The following KLHL32 variants were observed in gnomAD, a reference collection of about 807,000 sequenced individuals.
KLHL32 encodes the protein kelch-like protein 32.
KLHL32 carries 35 observed loss-of-function variants against 64.8 expected under a neutral mutation model. The observed-to-expected ratio is 0.54, with a 90% CI of 0.41 to 0.72. KLHL32 has a LOEUF of 0.72. Among genes scored for constraint, KLHL32 ranks in the 30% least tolerant of loss-of-function variants. The pLI, the probability that KLHL32 is intolerant of heterozygous loss-of-function variation, is 0.00. For missense variants in KLHL32, 589 were observed against 768.5 expected (o/e 0.77, Z 2.76); for synonymous variants, 259 against 281.0 (o/e 0.92, Z 0.78).
chr6:97,016,982 A>C (rs1781298222), intron 3 of KLHL32, among the ~76,000 whole-genome samples: 1 of 152,098 alleles, frequency 6.6e-6, no homozygotes, highest in African/African-American at 2.4e-5. Context: ...AGTTTCCTGA[A>C]GCCTCCCCAG....
At chr6:97,072,243 T>TACTG (rs1790862594) in intron 5 of KLHL32, among the ~76,000 whole-genome samples, 1 of 152,180 alleles carries the variant, frequency 6.6e-6, no homozygotes, top group Non-Finnish European at 1.5e-5. Context: ...TTTCCACTAC[T>TACTG]ACTGTCTTCA....
chr6:97,003,012 T>C (rs924073668), intron 3 of KLHL32, among the ~76,000 whole-genome samples: 2 of 152,220 alleles, frequency 1.3e-5, no homozygotes, highest in African/African-American at 2.4e-5. Context: ...CCTTTGGGTA[T>C]GTACCCAATA....
At chr6:96,905,994 C>T in the KLHL32 span, among the ~76,000 whole-genome samples, 1 of 152,324 alleles carries the variant, frequency 6.6e-6, no homozygotes, top group African/African-American at 2.4e-5. Context: ...GCAGGCACAG[C>T]TCTGCCTTTT....
At chr6:96,911,824 CT>C in the KLHL32 span, among the ~76,000 whole-genome samples, 1,616 of 53,732 alleles carry the variant, frequency 0.03, 4 homozygotes, top group Middle Eastern at 0.12. Flanking sequence ...CTCGGTCCTT[CT>C]TTTTTTTTTT....
intron 3 of KLHL32, among the ~76,000 whole-genome samples, chr6:96,999,125 G>T (rs1333390468): frequency 6.6e-6 from 1 of 152,162 alleles, no homozygotes; most frequent in Non-Finnish European, 1.5e-5. Context: ...CTTGGGCATG[G>T]ATACTCATGC....
chr6:96,910,098 G>A, the KLHL32 span, among the ~76,000 whole-genome samples: 1 of 152,152 alleles, frequency 6.6e-6, no homozygotes, highest in Non-Finnish European at 1.5e-5. Context: ...CACTTTGGGA[G>A]TGGGCGCTGT....
intron 1 of KLHL32, among the ~76,000 whole-genome samples, chr6:96,939,932 G>C (rs1479527483): frequency 6.6e-6 from 1 of 152,040 alleles, no homozygotes; most frequent in Non-Finnish European, 1.5e-5. Flanking sequence ...GAGAAGGAGA[G>C]AAATTGCCTA....
At chr6:96,984,917 G>T (rs1776818492) in intron 3 of KLHL32, among the ~76,000 whole-genome samples, 1 of 152,142 alleles carries the variant, frequency 6.6e-6, no homozygotes, top group Admixed American at 6.5e-5. Flanking sequence ...CTGTCATTAT[G>T]ATCTTAGCTG....
chr6:96,905,459 G>A, the KLHL32 span, among the ~76,000 whole-genome samples: 3 of 152,164 alleles, frequency 2.0e-5, no homozygotes, highest in East Asian at 3.9e-4. Flanking sequence ...CAGCCATGGT[G>A]TAACATAATG....
At chr6:96,935,713 T>C (rs1320471700) in intron 1 of KLHL32, among the ~76,000 whole-genome samples, 1 of 152,124 alleles carries the variant, frequency 6.6e-6, no homozygotes, top group Non-Finnish European at 1.5e-5. Flanking sequence ...AATGACTGCA[T>C]AGAGAAGTCC....
intron 3 of KLHL32, among the ~76,000 whole-genome samples, chr6:96,983,034 A>G: frequency 6.6e-6 from 1 of 152,228 alleles, no homozygotes. Context: ...GATAGCTCTT[A>G]TTGTTTTGAG....
At chr6:96,994,641 A>G (rs1247034225) in intron 3 of KLHL32, 17 of 983,754 alleles carry the variant, frequency 1.7e-5, no homozygotes, top group Non-Finnish European at 1.9e-5. Flanking sequence ...CTTGTTTAAA[A>G]TATGATTAAT....
rs1262284821 is a variant in KLHL32, at chr6:97,139,277, A to G, written c.1858A>G (p.Ile620Val). 2.5e-6 allele frequency: 4 copies of G among 1,612,452 alleles called. No individual in the cohort carries two copies. Among genetic ancestry groups the G allele is most frequent in the East Asian group, 2.2e-5 (1 of 44,858 alleles). ...LQVPHHRIGT[I>V] ...AGTGCCTCATCACAGGATTGGCACC[A>G]TCTGAAAAGCCAAGCCATCATGAAC... Residue 620 changes from isoleucine to valine, a missense_variant, in exon 11 of 11, where the codon ATC becomes GTC. By Grantham distance (29) the Ile-to-Val change is conservative. Coordinates refer to ENST00000369261, the MANE Select transcript of KLHL32 (RefSeq NM_052904.4).
At chr6:97,012,709 T>G (rs1349068338) in intron 3 of KLHL32, among the ~76,000 whole-genome samples, 6 of 152,212 alleles carry the variant, frequency 3.9e-5, no homozygotes, top group South Asian at 2.1e-4. Context: ...GGTCTCATAG[T>G]GCCACCTGAA....
At chr6:97,105,624 A>G in intron 6 of KLHL32, 1 of 408,004 alleles carries the variant, frequency 2.5e-6, no homozygotes, top group South Asian at 1.8e-5. Flanking sequence ...TTTACATAGG[A>G]ACATAATAAT....
At chr6:96,910,980 C>T in the KLHL32 span, among the ~76,000 whole-genome samples, 13 of 152,130 alleles carry the variant, frequency 8.5e-5, no homozygotes, top group Non-Finnish European at 1.8e-4. Flanking sequence ...GTAAAATGAA[C>T]ATAGTTAATT....
At chr6:96,933,990 T>C (rs1172249359) in intron 1 of KLHL32, among the ~76,000 whole-genome samples, 1 of 152,216 alleles carries the variant, frequency 6.6e-6, no homozygotes, top group Non-Finnish European at 1.5e-5. Flanking sequence ...AAGTCTCCTG[T>C]ATAAATTGGG....
chr6:96,907,885 C>T, the KLHL32 span, among the ~76,000 whole-genome samples: 1 of 152,220 alleles, frequency 6.6e-6, no homozygotes, highest in Admixed American at 6.5e-5. Context: ...AGATGTACAA[C>T]TAATAGCTCT....
At chr6:96,909,791 A>G in the KLHL32 span, among the ~76,000 whole-genome samples, 2 of 152,252 alleles carry the variant, frequency 1.3e-5, no homozygotes, top group African/African-American at 4.8e-5. Context: ...GTTTGAAAGC[A>G]TGTGTCTTTT....
Sources: allele counts gnomAD v4.1 joint callset (sites outside exome capture counted in the v4.1 genomes callset), GRCh38; gene constraint gnomAD v4.1.1; transcripts MANE v1.5; gene names NCBI Gene and HGNC (gene_info 2026-07-23, HGNC 2026-07-21).